Variants in MAML3 observed in about 807,000 individuals in gnomAD.
The protein encoded by MAML3 is mastermind like transcriptional coactivator 3, also known as mastermind-like protein 3.
In MAML3, 27 loss-of-function variants were observed where a neutral mutation model predicts 101.9. The ratio of observed to expected loss-of-function variants is 0.27; its 90% CI spans 0.20 to 0.37. MAML3 has a LOEUF of 0.37. MAML3 is among the 10% of genes least tolerant of loss of function. MAML3 has a pLI of 1.00. For missense variants in MAML3, 1,316 were observed against 1,444.9 expected (o/e 0.91, Z 1.45); for synonymous variants, 501 against 555.9 (o/e 0.90, Z 1.39).
At position 139,981,656 on chromosome 4, in the gene MAML3, C is replaced by T. The variant is rs1734446698; in HGVS notation, c.469-90689G>A. Among the ~76,000 whole-genome samples, 3 of 152,004 alleles carry T rather than the reference C, an allele frequency of 2.0e-5. No individual in the cohort carries two copies. In the South Asian group the frequency reaches 6.2e-4, roughly 32 times the overall value. On this transcript the variant is annotated intron_variant, in intron 1 of 4. Transcript: ENST00000509479. ...TGTTTTAGGATCTCATCCAAGATAC[C>T]AACATTACCTTTAGTCATTATGTTT...
chr4:140,123,108 T>TTC (rs1553977992), intron 1 of MAML3, among the ~76,000 whole-genome samples: 6 of 149,748 alleles, frequency 4.0e-5, no homozygotes, highest in Non-Finnish European at 7.4e-5. Context: ...TTTTTTTTTT[T>TTC]GCTCTGTAGC....
At chr4:139,797,807 A>T (rs982743813) in intron 2 of MAML3, among the ~76,000 whole-genome samples, 13 of 152,120 alleles carry the variant, frequency 8.5e-5, no homozygotes, top group African/African-American at 3.1e-4. Context: ...TTTGAATCCT[A>T]ACCAACAATA....
chr4:139,870,242 C>T (rs938771238), intron 2 of MAML3, among the ~76,000 whole-genome samples: 9 of 152,170 alleles, frequency 5.9e-5, no homozygotes, highest in Non-Finnish European at 7.4e-5. Flanking sequence ...TTAGCAGCAT[C>T]TCTGCTCTCT....
chr4:140,079,569 C>T (rs537598386), intron 1 of MAML3, among the ~76,000 whole-genome samples: 152 of 152,324 alleles, frequency 1.0e-3, no homozygotes, highest in African/African-American at 3.4e-3. Context: ...GCTGGGATTA[C>T]AGGCGTGAGC....
rs1337222093 is a variant in MAML3, at chr4:140,153,737, C to G, written c.-410G>C. ...GTGGTTGGCAAGCATTTTCTCCCTACATACCGAAAAACACACCCCATGTAC... is the reference window on the plus strand; with the variant it reads ...GTGGTTGGCAAGCATTTTCTCCCTAGATACCGAAAAACACACCCCATGTAC... On this transcript the variant is annotated 5_prime_UTR_variant, in exon 1 of 5. It removes an upstream start codon present in the reference 5' UTR. Transcript: ENST00000509479. The G allele has an allele frequency of 1.0e-5, 2 of 191,208 alleles. No individual in the cohort carries two copies. Among genetic ancestry groups the G allele is most frequent in the South Asian group, 1.2e-4 (1 of 8,068 alleles). 11.8% of individuals were successfully genotyped at this position (191,208 alleles called of 1,614,324 possible).
At chr4:140,002,065 A>G (rs1173501094) in intron 1 of MAML3, among the ~76,000 whole-genome samples, 1 of 152,106 alleles carries the variant, frequency 6.6e-6, no homozygotes, top group African/African-American at 2.4e-5. Context: ...TTTTGTGGAG[A>G]GAACACTTAA....
At chr4:139,887,710 C>T (rs1055409764) in intron 2 of MAML3, among the ~76,000 whole-genome samples, 3 of 152,206 alleles carry the variant, frequency 2.0e-5, no homozygotes, top group Non-Finnish European at 4.4e-5. Context: ...GAAGGAAATA[C>T]TCTACTGTAG....
At chr4:139,975,756 C>T (rs1404038779) in intron 1 of MAML3, among the ~76,000 whole-genome samples, 1 of 152,098 alleles carries the variant, frequency 6.6e-6, no homozygotes, top group East Asian at 1.9e-4. Context: ...ACAGATTGAA[C>T]TGCAAAGTGG....
chr4:139,773,929 T>G lies in MAML3; in HGVS notation c.2080-43262A>C, dbSNP rs571913137. On this transcript the variant is annotated intron_variant, in intron 2 of 4. Coordinates refer to ENST00000509479, the MANE Select transcript of MAML3 (RefSeq NM_018717.5). ...ACAACCGGACCACTGTGAAACCATA[T>G]GTATGGGTTGTTTCTAACTGGGTGC... Among the ~76,000 whole-genome samples the G allele has an allele frequency of 6.6e-5, 10 of 152,336 alleles. No individual in the cohort carries two copies. The East Asian group carries it at 1.9e-3, about 29-fold the overall frequency.
chr4:139,947,443 G>A (rs905649825), intron 1 of MAML3, among the ~76,000 whole-genome samples: 26 of 152,164 alleles, frequency 1.7e-4, no homozygotes, highest in African/African-American at 5.8e-4. Flanking sequence ...AGGAACCTGG[G>A]AAAGTCTGGT....
At chr4:140,050,448 G>A (rs1420081814) in intron 1 of MAML3, among the ~76,000 whole-genome samples, 1 of 152,118 alleles carries the variant, frequency 6.6e-6, no homozygotes, top group Non-Finnish European at 1.5e-5. Flanking sequence ...TTCTAAACCA[G>A]ACCCAATTAA....
rs577063440 is a variant in MAML3, at chr4:139,981,905, A to G, written c.469-90938T>C. On this transcript the variant is annotated intron_variant, in intron 1 of 4. Coordinates refer to ENST00000509479, the MANE Select transcript of MAML3 (RefSeq NM_018717.5). ...CATCACGTCATATCAAGAATGCATGATATCGACATGATTTATCACGACTGA... is the reference window on the plus strand; with the variant it reads ...CATCACGTCATATCAAGAATGCATGGTATCGACATGATTTATCACGACTGA... Among the ~76,000 whole-genome samples the G allele has an allele frequency of 1.1e-4, 17 of 152,304 alleles. No homozygotes were observed. The South Asian group carries it at 3.5e-3, about 32-fold the overall frequency.
Position 140,153,207 on chromosome 4 carries a change from G to T in MAML3, c.121C>A (p.Pro41Thr), listed in dbSNP as rs1312571387. Reference sequence around the variant, plus strand: ...GGGTGATTGCTACTCGGAGCAGCGGGAGTACTATTGGGAGTATTATTCACA... The same window carrying T: ...GGGTGATTGCTACTCGGAGCAGCGGTAGTACTATTGGGAGTATTATTCACA... ...IGVNNTPNSTPAAPSSNHPAA... is the reference protein window; with the variant it reads ...IGVNNTPNSTTAAPSSNHPAA... Residue 41 changes from proline to threonine, a missense_variant, in exon 1 of 5, where the codon CCC (proline) becomes ACC (threonine). By Grantham distance (38) the Pro-to-Thr change is conservative. Transcript: ENST00000509479. 4 of 1,560,302 alleles carry T rather than the reference G, an allele frequency of 2.6e-6. No homozygotes were observed. The South Asian group carries it at 4.7e-5, about 18-fold the overall frequency.
chr4:139,845,713 C>G (rs1731431337), intron 2 of MAML3, among the ~76,000 whole-genome samples: 1 of 152,156 alleles, frequency 6.6e-6, no homozygotes, highest in African/African-American at 2.4e-5. Flanking sequence ...TTTGTAGTCT[C>G]CTTTATAAAT....
chr4:139,889,504 C>T lies in MAML3; in HGVS notation c.1932G>A (p.Gln644=), dbSNP rs1259329070. ...GTGGCGGCTGCTGCTGCTGCTGCTG[C>T]TGCTGTTGCTGTTGCTGCTGCTGTT... ...QQQQQQQQQQ[Q]QQQQQQPPPP... is the part of the protein sequence containing the mutation. Residue 644 remains glutamine, a synonymous_variant, in exon 2 of 5, where the codon CAG becomes CAA. Coordinates refer to ENST00000509479, the MANE Select transcript of MAML3 (RefSeq NM_018717.5). 5.6e-6 allele frequency: 9 copies of T among 1,609,866 alleles called. No homozygotes were observed. Among genetic ancestry groups the T allele is most frequent in the Admixed American group, 1.7e-5 (1 of 59,956 alleles).
At chr4:139,795,944 A>G (rs1186809297) in intron 2 of MAML3, among the ~76,000 whole-genome samples, 2 of 152,204 alleles carry the variant, frequency 1.3e-5, no homozygotes, top group African/African-American at 4.8e-5. Flanking sequence ...TTACCCCACT[A>G]TAAGTGTGAC....
At chr4:139,941,538 GTT>G (rs779792592) in intron 1 of MAML3, among the ~76,000 whole-genome samples, 1,866 of 148,582 alleles carry the variant, frequency 0.013, 38 homozygotes, top group African/African-American at 0.043. Flanking sequence ...TGTTGTTGTT[GTT>G]GTTGGTGGTG....
chr4:139,910,325 A>G (rs1009744992), intron 1 of MAML3, among the ~76,000 whole-genome samples: 1 of 152,240 alleles, frequency 6.6e-6, no homozygotes, highest in African/African-American at 2.4e-5. Context: ...TGTGATGAGT[A>G]GAATCCTTGC....
rs867312486 is a variant in MAML3 at position 139,965,200 on chromosome 4, G to T, written c.469-74233C>A. ...ATAAACCCAAAATAACTCCCTGCTA[G>T]TTTTTTTTTTTTTTTTTAATGACAG... On this transcript the variant is annotated intron_variant, in intron 1 of 4. Coordinates refer to ENST00000509479, the MANE Select transcript of MAML3 (RefSeq NM_018717.5). Among the ~76,000 whole-genome samples, 30 of 139,304 alleles carry T rather than the reference G, an allele frequency of 2.2e-4. No individual in the cohort carries two copies. In the East Asian group the frequency reaches 2.3e-3, roughly 11 times the overall value. The allele number at this position is 139,304 out of a possible 152,430, so 91.4% of individuals were successfully genotyped here. A position where few individuals can be genotyped will look rare whatever the true frequency, so the allele number is the denominator to read the frequency against.
Sources: gnomAD v4.1 joint callset for allele counts (sites outside exome capture counted in the v4.1 genomes callset) on GRCh38, gnomAD v4.1.1 for gene constraint, MANE v1.5 for transcripts, NCBI Gene and HGNC (gene_info 2026-07-23, HGNC 2026-07-21) for gene names.